The following SLC17A3 variants were observed in gnomAD, a reference collection of about 807,000 sequenced individuals.
SLC17A3 encodes solute carrier family 17 member 3.
A neutral mutation model predicts 60.3 loss-of-function variants in SLC17A3; 61 were observed. The observed-to-expected ratio is 1.01, with a 90% confidence interval of 0.82 to 1.25. SLC17A3 has a LOEUF of 1.25. Ranked by LOEUF, SLC17A3 falls within the 50% of genes most tolerant of loss-of-function variation. SLC17A3 has a pLI of 0.00. For missense variants in SLC17A3, 624 were observed against 594.9 expected, an observed-to-expected ratio of 1.05 and a Z score of -0.51; for synonymous variants, 192 against 208.9, an observed-to-expected ratio of 0.92 and a Z score of 0.70.
intron 1 of SLC17A3, among the ~76,000 whole-genome samples, chr6:25,873,658 A>C (rs1264459296): frequency 1.3e-5 from 2 of 152,066 alleles, no homozygotes; most frequent in Non-Finnish European, 2.9e-5. Flanking sequence ...AACTCACTGG[A>C]TCTTGATGCA....
intron 2 of SLC17A3, among the ~76,000 whole-genome samples, chr6:25,864,906 G>A (rs1765510773): frequency 6.6e-6 from 1 of 151,880 alleles, no homozygotes; most frequent in Non-Finnish European, 1.5e-5. Context: ...AATAGATGGG[G>A]GAGGAACAAA....
chr6:25,863,538 G>A (rs73385005), intron 2 of SLC17A3, among the ~76,000 whole-genome samples: 2,576 of 152,174 alleles, frequency 0.017, 66 homozygotes, highest in African/African-American at 0.055. Context: ...TTAGATCAAT[G>A]AGATTGGGTA....
At position 25,850,758 on chromosome 6, in the gene SLC17A3, C is replaced by T; in HGVS notation, c.831+1G>A. On this transcript the variant is annotated splice_donor_variant, in intron 7 of 12. Transcript: ENST00000397060. LOFTEE classifies it high-confidence loss of function. ...AAAAGTGTTGGTGTCTTTATATGTA[C>T]CTGTTGTTTCAAGGAGGATATGATG... 1.9e-6 allele frequency: 3 copies of T among 1,610,962 alleles called. No individual in the cohort carries two copies. The South Asian group carries it at 3.3e-5, about 18-fold the overall frequency.
At chr6:25,852,619 A>G (rs1039935536) in intron 6 of SLC17A3, among the ~76,000 whole-genome samples, 6 of 151,826 alleles carry the variant, frequency 4.0e-5, no homozygotes, top group African/African-American at 1.5e-4. Flanking sequence ...CATTCAGTGC[A>G]TTTTTCATCT....
intron 11 of SLC17A3, 135 bp from the exon 12 acceptor site, chr6:25,845,651 T>C: frequency 1.0e-6 from 1 of 989,260 alleles, no homozygotes; most frequent in Non-Finnish European, 1.6e-6. Context: ...GGCTTGATAG[T>C]TAAATGCAAA....
chr6:25,870,653 C>T (rs1412638009), intron 1 of SLC17A3, among the ~76,000 whole-genome samples: 1 of 152,022 alleles, frequency 6.6e-6, no homozygotes, highest in African/African-American at 2.4e-5. Context: ...AGACTGGGTG[C>T]TGCATCATCA....
chr6:25,863,078 G>A (rs1348226614), intron 2 of SLC17A3, among the ~76,000 whole-genome samples: 1 of 151,974 alleles, frequency 6.6e-6, no homozygotes, highest in Non-Finnish European at 1.5e-5. Flanking sequence ...AATGAGCACA[G>A]CATTCAAATA....
intron 6 of SLC17A3, among the ~76,000 whole-genome samples, chr6:25,854,214 T>C (rs1354991799): frequency 6.6e-6 from 1 of 152,224 alleles, no homozygotes; most frequent in Non-Finnish European, 1.5e-5. Context: ...GTTCTTATTC[T>C]ATTGATTATT....
intron 8 of SLC17A3, 100 bp downstream of exon 8, chr6:25,850,359 G>T: frequency 7.2e-7 from 1 of 1,393,644 alleles, no homozygotes; most frequent in Non-Finnish European, 1.0e-6. Context: ...GATTATTTTT[G>T]GTAATAAGAA....
intron 6 of SLC17A3, among the ~76,000 whole-genome samples, chr6:25,854,227 G>C (rs1015164570): frequency 1.3e-5 from 2 of 152,134 alleles, no homozygotes; most frequent in African/African-American, 4.8e-5. Flanking sequence ...TGATTATTAA[G>C]AGAAGAATAT....
intron 6 of SLC17A3, among the ~76,000 whole-genome samples, chr6:25,853,407 T>C (rs975390945): frequency 4.2e-5 from 1 of 23,950 alleles, no homozygotes; most frequent in South Asian, 1.1e-3. Flanking sequence ...TTTCTGCATG[T>C]TTTTTTTTTT....
intron 1 of SLC17A3, among the ~76,000 whole-genome samples, chr6:25,873,536 C>T (rs1238519833): frequency 6.6e-6 from 1 of 152,112 alleles, no homozygotes; most frequent in East Asian, 1.9e-4. Flanking sequence ...CTCCTTCCCA[C>T]TGCCCTCAGC....
intron 5 of SLC17A3, among the ~76,000 whole-genome samples, chr6:25,855,786 G>GT (rs1765348266): frequency 6.6e-6 from 1 of 152,106 alleles, no homozygotes; most frequent in Non-Finnish European, 1.5e-5. Context: ...GGTAGGGCAT[G>GT]TTCGCTTTTT....
At chr6:25,856,242 G>A (rs1050700272) in intron 5 of SLC17A3, among the ~76,000 whole-genome samples, 4 of 150,394 alleles carry the variant, frequency 2.7e-5, no homozygotes, top group African/African-American at 9.8e-5. Flanking sequence ...TTCTTTTTTT[G>A]TTGTTTGAGA....
intron 5 of SLC17A3, among the ~76,000 whole-genome samples, chr6:25,857,281 TA>T (rs140681284): frequency 0.031 from 4,719 of 152,300 alleles, 208 homozygotes; most frequent in African/African-American, 0.095. Context: ...CTTTAACTAT[TA>T]TTTTTTATTT....
intron 7 of SLC17A3, 21 bp from the exon 8 acceptor site, chr6:25,850,641 C>A: frequency 6.2e-7 from 1 of 1,613,580 alleles, no homozygotes; most frequent in South Asian, 1.1e-5. Context: ...ATTTACTGGT[C>A]ATAACGGTAA....
chr6:25,859,725 C>T (rs1305260603), intron 5 of SLC17A3, among the ~76,000 whole-genome samples: 2 of 152,186 alleles, frequency 1.3e-5, no homozygotes, highest in Non-Finnish European at 2.9e-5. Flanking sequence ...AGAACCACAC[C>T]ATCAGTGGTA....
At chr6:25,866,381 C>G (rs1421834707) in intron 2 of SLC17A3, among the ~76,000 whole-genome samples, 1 of 151,968 alleles carries the variant, frequency 6.6e-6, no homozygotes, top group African/African-American at 2.4e-5. Context: ...CCTGAATAAG[C>G]CTGGAAGTGG....
chr6:25,858,413 C>T (rs1765394747), intron 5 of SLC17A3, among the ~76,000 whole-genome samples: 1 of 152,124 alleles, frequency 6.6e-6, no homozygotes, highest in Admixed American at 6.5e-5. Context: ...GACTTGTGGC[C>T]ACTTGCTCAA....
Sources: allele counts gnomAD v4.1 joint callset (sites outside exome capture counted in the v4.1 genomes callset), GRCh38; gene constraint gnomAD v4.1.1; transcripts MANE v1.5; gene names NCBI Gene and HGNC (gene_info 2026-07-23, HGNC 2026-07-21).